PPP1R14C: variants seen among roughly 807,000 people sequenced by gnomAD.
The protein encoded by PPP1R14C is protein phosphatase 1 regulatory subunit 14C.
PPP1R14C carries 16 observed loss-of-function variants against 20.4 expected under a neutral mutation model. That is an observed-to-expected ratio of 0.78 (90% confidence interval 0.53 to 1.19). The LOEUF is 1.19. PPP1R14C is among the 50% of genes most tolerant of loss of function. PPP1R14C has a pLI of 0.00. For synonymous variants in PPP1R14C, 91 were observed against 91.0 expected, an observed-to-expected ratio of 1.00 and a Z score of 0.00; for missense variants, 211 against 220.1, an observed-to-expected ratio of 0.96 and a Z score of 0.26.
At chr6:150,200,308 C>T (rs140314198) in intron 1 of PPP1R14C, among the ~76,000 whole-genome samples, 3 of 151,112 alleles carry the variant, frequency 2.0e-5, no homozygotes, top group Non-Finnish European at 3.0e-5. Flanking sequence ...TAAATAGACT[C>T]TATTTGAGCC....
At chr6:150,172,226 A>C (rs1391653414) in intron 1 of PPP1R14C, among the ~76,000 whole-genome samples, 1 of 152,180 alleles carries the variant, frequency 6.6e-6, no homozygotes, top group Non-Finnish European at 1.5e-5. Flanking sequence ...CGGGTTATAG[A>C]TAATCTCTCT....
At chr6:150,231,064 G>C (rs567076957) in intron 3 of PPP1R14C, among the ~76,000 whole-genome samples, 1 of 152,208 alleles carries the variant, frequency 6.6e-6, no homozygotes, top group Non-Finnish European at 1.5e-5. Context: ...CCCCAAGACG[G>C]ACTAGTGCAG....
intron 1 of PPP1R14C, among the ~76,000 whole-genome samples, chr6:150,157,045 G>T (rs1162598788): frequency 6.6e-6 from 1 of 152,196 alleles, no homozygotes; most frequent in East Asian, 1.9e-4. Context: ...TTTCAAAGAG[G>T]TGACGGGCTG....
rs980683765 is a variant in PPP1R14C at position 150,218,610 on chromosome 6, C to T, written c.423+1754C>T. Reference sequence around the variant, plus strand: ...TATATTTTCATAAGCAACACTTTTGCGCTTTTGGCTGTTTCCCTTCCCTGC... The same window carrying T: ...TATATTTTCATAAGCAACACTTTTGTGCTTTTGGCTGTTTCCCTTCCCTGC... On this transcript the variant is annotated intron_variant, in intron 3 of 3. Coordinates refer to ENST00000361131, the MANE Select transcript of PPP1R14C (RefSeq NM_030949.3). 2.6e-4 allele frequency among the ~76,000 whole-genome samples: 40 copies of T among 151,368 alleles called. 1 individual carries two copies. Among genetic ancestry groups the T allele is most frequent in the Admixed American group, 6.6e-5 (1 of 15,180 alleles).
chr6:150,218,403 A>AG (rs1172762374), intron 3 of PPP1R14C, among the ~76,000 whole-genome samples: 2 of 151,650 alleles, frequency 1.3e-5, no homozygotes, highest in South Asian at 2.1e-4. Flanking sequence ...ACTCCGTCTC[A>AG]GAAAAAAAAA....
At chr6:150,179,479 G>C (rs1777597758) in intron 1 of PPP1R14C, among the ~76,000 whole-genome samples, 1 of 151,968 alleles carries the variant, frequency 6.6e-6, no homozygotes, top group African/African-American at 2.4e-5. Context: ...ATATAGCGAG[G>C]GTAACAGACA....
intron 1 of PPP1R14C, among the ~76,000 whole-genome samples, chr6:150,146,112 G>A (rs144163302): frequency 1.3e-5 from 2 of 152,278 alleles, no homozygotes; most frequent in African/African-American, 4.8e-5. Context: ...AGGTGACTAG[G>A]TGCTCTTCTA....
chr6:150,234,222 T>C (rs1778326436), intron 3 of PPP1R14C, among the ~76,000 whole-genome samples: 1 of 151,938 alleles, frequency 6.6e-6, no homozygotes, highest in Admixed American at 6.6e-5. Flanking sequence ...ATATGAAAAA[T>C]ACTGACAACA....
intron 1 of PPP1R14C, among the ~76,000 whole-genome samples, chr6:150,145,383 C>T (rs527885170): frequency 6.6e-6 from 1 of 152,300 alleles, no homozygotes; most frequent in Non-Finnish European, 1.5e-5. Context: ...GCTCTATATG[C>T]TGCCTGCATG....
rs1054562767 is a variant in PPP1R14C, at chr6:150,143,296, G to A, written c.104G>A (p.Gly35Asp). ...SPRGGAGGSPGSSSGSGSSRE... is the reference protein window; with the variant it reads ...SPRGGAGGSPDSSSGSGSSRE... ...CGGGGTGGCGCCGGTGGCAGCCCCG[G>A]CTCCAGCAGCGGCTCAGGCTCCTCC... is the stretch of plus-strand genomic sequence containing the variant. The change falls in exon 1 of 4, where the codon GGC becomes GAC. Residue 35 changes from glycine (G) to aspartate (D), a missense_variant. Transcript: ENST00000361131. This position sits in a 1 kb window ranked among gnomAD's most constrained non-coding sequence, Gnocchi z 5.6. The A allele has an allele frequency of 1.3e-6, 2 of 1,562,968 alleles. No individual in the cohort carries two copies. The highest frequency in any genetic ancestry group is 2.3e-5 in the South Asian group (2 of 86,444).
At chr6:150,205,952 A>C (rs990790810) in intron 1 of PPP1R14C, among the ~76,000 whole-genome samples, 1 of 152,104 alleles carries the variant, frequency 6.6e-6, no homozygotes, top group African/African-American at 2.4e-5. Context: ...ACCATAACCC[A>C]TCATGCCTCT....
chr6:150,206,794 C>T (rs1158365744), intron 1 of PPP1R14C, among the ~76,000 whole-genome samples: 2 of 152,006 alleles, frequency 1.3e-5, no homozygotes, highest in African/African-American at 2.4e-5. Context: ...TAAAACATTC[C>T]TTCACTTCAC....
intron 2 of PPP1R14C, among the ~76,000 whole-genome samples, chr6:150,216,097 G>A (rs1212240923): frequency 1.3e-5 from 2 of 152,232 alleles, no homozygotes; most frequent in East Asian, 1.9e-4. Flanking sequence ...CTGGATTTGA[G>A]CTACTAAATT....
At chr6:150,231,923 A>G (rs1258206416) in intron 3 of PPP1R14C, among the ~76,000 whole-genome samples, 1 of 152,230 alleles carries the variant, frequency 6.6e-6, no homozygotes, top group East Asian at 1.9e-4. Context: ...TTTCATTATT[A>G]TGAACAGTGG....
intron 1 of PPP1R14C, among the ~76,000 whole-genome samples, chr6:150,145,446 C>G (rs1404320595): frequency 6.6e-6 from 1 of 152,188 alleles, no homozygotes; most frequent in Non-Finnish European, 1.5e-5. Context: ...TCATTGTAGG[C>G]TGAAGGAAGA....
intron 3 of PPP1R14C, among the ~76,000 whole-genome samples, chr6:150,233,016 A>G (rs979184712): frequency 3.0e-4 from 46 of 152,212 alleles, no homozygotes; most frequent in African/African-American, 1.1e-3. Context: ...GAGTTAGTTC[A>G]CTTTTGGTCA....
intron 3 of PPP1R14C, among the ~76,000 whole-genome samples, chr6:150,232,233 T>A (rs973428770): frequency 1.3e-5 from 2 of 152,230 alleles, no homozygotes; most frequent in South Asian, 4.1e-4. Context: ...CTCTGGGAAT[T>A]TCCATTTTGA....
intron 1 of PPP1R14C, among the ~76,000 whole-genome samples, chr6:150,156,993 G>A (rs1046947237): frequency 2.0e-5 from 3 of 152,158 alleles, no homozygotes; most frequent in African/African-American, 7.2e-5. Flanking sequence ...TTAAACCTTG[G>A]GAACATCCCA....
chr6:150,233,048 G>A (rs1306233152), intron 3 of PPP1R14C, among the ~76,000 whole-genome samples: 1 of 151,234 alleles, frequency 6.6e-6, no homozygotes, highest in African/African-American at 2.4e-5. Flanking sequence ...TCTGCCCATG[G>A]GACATCTCAT....
Sources: gnomAD v4.1 joint callset for allele counts (sites outside exome capture counted in the v4.1 genomes callset) on GRCh38, gnomAD v4.1.1 for gene constraint, Gnocchi (gnomAD v3.1) non-coding constraint, MANE v1.5 for transcripts, NCBI Gene and HGNC (gene_info 2026-07-23, HGNC 2026-07-21) for gene names.